The following AMZ1 variants were observed in gnomAD, a reference collection of about 807,000 sequenced individuals.
AMZ1 encodes the protein archaelysin family metallopeptidase 1, also known as archaemetzincin-1.
In AMZ1, 39 loss-of-function variants were observed where a neutral mutation model predicts 29.9. That is an observed-to-expected ratio of 1.30 (90% CI 1.01 to 1.70). The LOEUF is 1.70. AMZ1 is among the 40% of genes most tolerant of loss of function. AMZ1 has a pLI of 0.00. For missense variants in AMZ1, 1,041 were observed against 680.6 expected, an observed-to-expected ratio of 1.53 and a Z score of -5.89; for synonymous variants, 458 against 304.0, an observed-to-expected ratio of 1.51 and a Z score of -5.27.
At chr7:2,722,367 G>C (rs1259025384), downstream of AMZ1, among the ~76,000 whole-genome samples, 1 of 152,064 alleles carries the variant, frequency 6.6e-6, no homozygotes, top group Non-Finnish European at 1.5e-5. Context: ...CTGCCTCCCG[G>C]GTTCATGCCA....
intron 6 of AMZ1, 22 bp from the exon 7 acceptor site, chr7:2,712,308 A>C (rs1229754037): frequency 1.3e-6 from 2 of 1,535,326 alleles, no homozygotes. Flanking sequence ...GAGCAAACTC[A>C]GCCTGTGTTT....
chr7:2,684,153 G>A (rs908967275), upstream of AMZ1, among the ~76,000 whole-genome samples: 4 of 152,014 alleles, frequency 2.6e-5, no homozygotes, highest in Non-Finnish European at 1.5e-5. Flanking sequence ...ACTCCAGCCC[G>A]GGTGACAGAG....
chr7:2,736,923 C>A (rs1037319039), intron 4 of AMZ1, among the ~76,000 whole-genome samples: 1 of 152,244 alleles, frequency 6.6e-6, no homozygotes, highest in African/African-American at 2.4e-5. Context: ...TTCAACCCTG[C>A]ACAGGACCAG....
At position 2,746,376 on chromosome 7, in the gene AMZ1, G is replaced by A. The variant is rs188698712; in HGVS notation, n.551-18336G>A. 1.9e-3 allele frequency among the ~76,000 whole-genome samples: 288 copies of A among 152,098 alleles called. 3 individuals carry two copies. Among genetic ancestry groups the A allele is most frequent in the African/African-American group, 6.3e-3 (263 of 41,484 alleles). On this transcript the variant is annotated intron_variant and non_coding_transcript_variant, in intron 4 of 4. Coordinates refer to the AMZ1 transcript ENST00000489665. Reference sequence around the variant, plus strand: ...AACTCAGGATTAAGAAATCAAAACCGCTCAACTACATGGAAACTGAACAAC... The same window carrying A: ...AACTCAGGATTAAGAAATCAAAACCACTCAACTACATGGAAACTGAACAAC...
At chr7:2,707,554 G>T (rs759570985) in intron 3 of AMZ1, among the ~76,000 whole-genome samples, 1 of 151,978 alleles carries the variant, frequency 6.6e-6, no homozygotes, top group Non-Finnish European at 1.5e-5. Flanking sequence ...CTCATGCTCC[G>T]GGGAACCATG....
intron 6 of AMZ1, among the ~76,000 whole-genome samples, chr7:2,711,696 A>G (rs1373971626): frequency 2.6e-5 from 4 of 152,136 alleles, no homozygotes; most frequent in African/African-American, 9.7e-5. Context: ...TGGGATTACA[A>G]GCGTGAGCCA....
chr7:2,759,562 G>A (rs894820898), intron 4 of AMZ1, among the ~76,000 whole-genome samples: 2 of 152,262 alleles, frequency 1.3e-5, no homozygotes, highest in Admixed American at 6.5e-5. Context: ...GAATAGTGGT[G>A]ACGCTGGGGT....
chr7:2,709,783 T>G lies in AMZ1; in HGVS notation c.915T>G (p.His305Gln), dbSNP rs1788643503. 3.7e-6 allele frequency: 6 copies of G among 1,611,960 alleles called. No individual in the cohort carries two copies. In the South Asian group the frequency reaches 5.5e-5, roughly 15 times the overall value. ...CCATCTGCCTGAGGAAGCTGCAGCA[T>G]GTCCTGGGTTTCAGGCTCATCGAGA... ...LCPICLRKLQ[H>Q]VLGFRLIERY... Residue 305 changes from histidine (H) to glutamine (Q), a missense_variant, in exon 6 of 7, where the codon CAT (histidine) becomes CAG (glutamine). By Grantham distance (24) the His-to-Gln change is conservative. Coordinates refer to ENST00000683327, the MANE Select transcript of AMZ1 (RefSeq NM_001384743.1).
At position 2,718,797 on chromosome 7, in the gene AMZ1, C is replaced by T. The variant is rs955138779; in HGVS notation, c.*5919C>T. On this transcript the variant is annotated 3_prime_UTR_variant, in exon 7 of 7. Transcript: ENST00000683327. ...CCGAGCTGCGTCCGGCTCTCAGGGA[C>T]TTCCTCTCCCTGTGCTCTGCCCACC... 6.6e-6 allele frequency among the ~76,000 whole-genome samples: 1 copy of T among 152,176 alleles called. No homozygotes were observed. Among genetic ancestry groups the T allele is most frequent in the African/African-American group, 2.4e-5 (1 of 41,452 alleles).
At chr7:2,736,768 C>G (rs558350031) in intron 4 of AMZ1, among the ~76,000 whole-genome samples, 1 of 152,228 alleles carries the variant, frequency 6.6e-6, no homozygotes, top group African/African-American at 2.4e-5. Context: ...CTCAGAACTC[C>G]GTCAGCACCG....
At chr7:2,700,817 G>A in intron 2 of AMZ1, 62 bp downstream of exon 2, 3 of 1,563,316 alleles carry the variant, frequency 1.9e-6, no homozygotes, top group Non-Finnish European at 2.6e-6. Context: ...TAGCACAAGT[G>A]GGGGATGTCT....
At chr7:2,747,047 A>C (rs186316548) in intron 4 of AMZ1, among the ~76,000 whole-genome samples, 1 of 152,322 alleles carries the variant, frequency 6.6e-6, no homozygotes, top group African/African-American at 2.4e-5. Context: ...AACCAAAAAA[A>C]GTCCAGGAGC....
chr7:2,736,411 G>A (rs1790178948), intron 4 of AMZ1, among the ~76,000 whole-genome samples: 2 of 151,034 alleles, frequency 1.3e-5, no homozygotes, highest in African/African-American at 4.8e-5. Context: ...TGGGGCCAGC[G>A]GCCACTGAGC....
chr7:2,710,850 T>G (rs1788728413), intron 6 of AMZ1, among the ~76,000 whole-genome samples: 1 of 152,200 alleles, frequency 6.6e-6, no homozygotes, highest in Non-Finnish European at 1.5e-5. Flanking sequence ...GGTCAGCACC[T>G]GGTGATGCCT....
intron 4 of AMZ1, among the ~76,000 whole-genome samples, chr7:2,737,264 G>GTTTTTTTTTTTTTTTTTTTTTTTTTTT (rs201866976): frequency 1.9e-5 from 1 of 52,452 alleles, no homozygotes. Context: ...CTATCTCACA[G>GTTTTTTTTTTTTTTTTTTTTTTTTTTT]TTTTGTTTTG....
Position 2,702,858 on chromosome 7 carries a change from C to A in AMZ1, c.441C>A (p.Ser147Arg), listed in dbSNP as rs768596913. 6.3e-7 allele frequency: 1 copy of A among 1,587,092 alleles called. No individual in the cohort carries two copies. The highest frequency in any genetic ancestry group is 8.5e-7 in the Non-Finnish European group (1 of 1,172,636). The change falls in exon 3 of 7, where the codon AGC becomes AGA. Residue 147 changes from serine (S) to arginine (R), a missense_variant. Transcript: ENST00000683327. ...AASIRCSSRP[S>R]RDSDRLQLHT... ...CCATCCGCTGCTCCTCGCGGCCCAG[C>A]CGGGACTCTGACAGGCTCCAGCTCC...
At chr7:2,707,768 C>T (rs1788447123) in intron 3 of AMZ1, among the ~76,000 whole-genome samples, 1 of 151,678 alleles carries the variant, frequency 6.6e-6, no homozygotes, top group African/African-American at 2.4e-5. Flanking sequence ...CCCTGCAGTG[C>T]CCTCAGGCCT....
At chr7:2,761,798 G>T (rs1165570853), upstream of AMZ1, among the ~76,000 whole-genome samples, 1 of 152,226 alleles carries the variant, frequency 6.6e-6, no homozygotes, top group Non-Finnish European at 1.5e-5. Context: ...AACGTGAAGA[G>T]ATGACCAACT....
chr7:2,711,871 C>T (rs944688913), intron 6 of AMZ1, among the ~76,000 whole-genome samples: 1 of 152,036 alleles, frequency 6.6e-6, no homozygotes, highest in African/African-American at 2.4e-5. Context: ...TGGTGAAACC[C>T]CGTCTCCACT....
Sources: gnomAD v4.1 joint callset for allele counts (sites outside exome capture counted in the v4.1 genomes callset) on GRCh38, gnomAD v4.1.1 for gene constraint, MANE v1.5 for transcripts, NCBI Gene and HGNC (gene_info 2026-07-23, HGNC 2026-07-21) for gene names.